The following FTO variants were observed in gnomAD, a reference collection of about 807,000 sequenced individuals.
The protein encoded by FTO is FTO alpha-ketoglutarate dependent dioxygenase, also known as alpha-ketoglutarate-dependent dioxygenase FTO.
A neutral mutation model predicts 63.9 loss-of-function variants in FTO; 47 were observed. That is an observed-to-expected ratio of 0.74 (90% CI 0.58 to 0.94). FTO has a LOEUF of 0.94. Ranked by LOEUF, FTO falls within the 40% of genes least tolerant of loss-of-function variation. The pLI is 0.00. For missense variants in FTO, 562 were observed against 618.1 expected, an observed-to-expected ratio of 0.91 and a Z score of 0.96; for synonymous variants, 207 against 224.4, an observed-to-expected ratio of 0.92 and a Z score of 0.69.
In FTO at chr16:53,950,155, TAAA is replaced by T. The variant is rs57925273; in HGVS notation, c.1364+16068_1364+16070del. Among the ~76,000 whole-genome samples the T allele has an allele frequency of 1.8e-3, 92 of 50,620 alleles. 2 individuals are homozygous for T. Among genetic ancestry groups the T allele is most frequent in the Admixed American group, 7.8e-3 (27 of 3,452 alleles). The allele number at this position is 50,620 out of a possible 152,430, so 33.2% of individuals were successfully genotyped here. A position where few individuals can be genotyped will look rare whatever the true frequency, so the allele number is the denominator to read the frequency against. ...GGAAAAAAAAAGATATTCACATTTG[TAAA>T]AAAAAAAAAAAAAAAAAAAAACTTA... On this transcript the variant is annotated intron_variant, in intron 8 of 8. Transcript: ENST00000471389.
At position 53,739,293 on chromosome 16, in the gene FTO, C is replaced by T. The variant is rs1045324318; in HGVS notation, c.45+35064C>T. On this transcript the variant is annotated intron_variant, in intron 1 of 8. Coordinates refer to ENST00000471389, the MANE Select transcript of FTO (RefSeq NM_001080432.3). Reference sequence around the variant, plus strand: ...CGATGTCGGCTCACTGCAAGCTCTGCCTCCTGGGTTCACACCATTCTCCTG... The same window carrying T: ...CGATGTCGGCTCACTGCAAGCTCTGTCTCCTGGGTTCACACCATTCTCCTG... 6.6e-5 allele frequency among the ~76,000 whole-genome samples: 10 copies of T among 152,070 alleles called. No homozygotes were observed. The East Asian group carries it at 7.7e-4, about 12-fold the overall frequency.
intron 1 of FTO, among the ~76,000 whole-genome samples, chr16:53,766,115 TA>T (rs922780055): frequency 1.3e-5 from 2 of 152,210 alleles, no homozygotes; most frequent in Non-Finnish European, 2.9e-5. Flanking sequence ...ATACATTTTG[TA>T]GGCAAAGCTG....
chr16:53,719,655 A>C (rs1260992318), intron 1 of FTO, among the ~76,000 whole-genome samples: 4 of 146,826 alleles, frequency 2.7e-5, no homozygotes, highest in African/African-American at 1.0e-4. Context: ...TTTTTTAAAC[A>C]AGCTCTTGAA....
chr16:53,961,644 C>T (rs1010945719), intron 8 of FTO, among the ~76,000 whole-genome samples: 1 of 152,204 alleles, frequency 6.6e-6, no homozygotes, highest in African/African-American at 2.4e-5. Flanking sequence ...TTATCAGAGA[C>T]ATTTCAATTT....
chr16:53,879,553 G>A (rs1017156046), intron 5 of FTO, among the ~76,000 whole-genome samples: 4 of 152,058 alleles, frequency 2.6e-5, no homozygotes, highest in African/African-American at 9.7e-5. Context: ...GGGCAGAGTA[G>A]TGCCTGCCTG....
At chr16:53,811,699 C>A (rs2078529168) in intron 2 of FTO, among the ~76,000 whole-genome samples, 1 of 152,226 alleles carries the variant, frequency 6.6e-6, no homozygotes, top group African/African-American at 2.4e-5. Flanking sequence ...CCTGCTCTTA[C>A]ACCTTTTATC....
intron 8 of FTO, among the ~76,000 whole-genome samples, chr16:53,949,394 A>G (rs2082719632): frequency 6.6e-6 from 1 of 152,360 alleles, no homozygotes; most frequent in African/African-American, 2.4e-5. Context: ...AGGAAAATGT[A>G]AAAATATTTT....
At chr16:53,871,598 C>T (rs1379160778) in intron 4 of FTO, among the ~76,000 whole-genome samples, 3 of 152,084 alleles carry the variant, frequency 2.0e-5, no homozygotes, top group African/African-American at 7.2e-5. Context: ...TTTCATTTCT[C>T]TGTTACTTTT....
At chr16:54,019,428 G>A (rs777869592) in intron 8 of FTO, among the ~76,000 whole-genome samples, 3 of 152,184 alleles carry the variant, frequency 2.0e-5, no homozygotes, top group Non-Finnish European at 4.4e-5. Flanking sequence ...CATACTCATA[G>A]AACCATATAC....
In FTO at chr16:53,806,809, A is replaced by C. The variant is rs189100565; in HGVS notation, c.46-3331A>C. Among the ~76,000 whole-genome samples, 3 of 152,304 alleles carry C rather than the reference A, an allele frequency of 2.0e-5. No individual in the cohort carries two copies. In the East Asian group the frequency reaches 5.8e-4, roughly 29 times the overall value. Reference sequence around the variant, plus strand: ...TCTGAACATGGTACAAGTGTATTAGAAGGATAAATCAGAAGTAGGATCACT... The same window carrying C: ...TCTGAACATGGTACAAGTGTATTAGCAGGATAAATCAGAAGTAGGATCACT... On this transcript the variant is annotated intron_variant, in intron 1 of 8. Transcript: ENST00000471389.
At position 54,117,168 on chromosome 16, in the gene FTO, A is replaced by C. The variant is rs1427342062; in HGVS notation, c.*5253A>C. On this transcript the variant is annotated 3_prime_UTR_variant, in exon 9 of 9. Coordinates refer to ENST00000471389, the MANE Select transcript of FTO (RefSeq NM_001080432.3). The stretch of plus-strand genomic sequence containing the variant: ...TGATTCTCACTCTACCACCTCTTCA[A>C]ACCTTTGTTGTCTTATCTACAAAAT... 1 of 152,188 alleles carries C rather than the reference A, an allele frequency of 6.6e-6. No homozygotes were observed. Among genetic ancestry groups the C allele is most frequent in the African/African-American group, 2.4e-5 (1 of 41,438 alleles). 9.4% of individuals were successfully genotyped at this position (152,188 alleles called of 1,614,324 possible).
chr16:53,978,961 TG>T (rs1186946830), intron 8 of FTO, among the ~76,000 whole-genome samples: 12 of 152,078 alleles, frequency 7.9e-5, no homozygotes, highest in African/African-American at 2.9e-4. Context: ...ATCATGCCGC[TG>T]CACTCCGGCC....
At chr16:53,848,394 G>A (rs2079694720) in intron 4 of FTO, among the ~76,000 whole-genome samples, 1 of 152,146 alleles carries the variant, frequency 6.6e-6, no homozygotes, top group African/African-American at 2.4e-5. Flanking sequence ...AACGTGTCGG[G>A]TGCCTGTAAT....
chr16:54,097,116 C>G lies in FTO; in HGVS notation c.1365-14646C>G, dbSNP rs1040570290. On this transcript the variant is annotated intron_variant, in intron 8 of 8. Transcript: ENST00000471389. Reference sequence around the variant, plus strand: ...TAAGCCATACTGTTTATATATATAACTACAGTTTTTTTAGAGATGGGAAGA... The same window carrying G: ...TAAGCCATACTGTTTATATATATAAGTACAGTTTTTTTAGAGATGGGAAGA... Among the ~76,000 whole-genome samples, 3 of 152,196 alleles carry G rather than the reference C, an allele frequency of 2.0e-5. No individual in the cohort carries two copies. The South Asian group carries it at 6.2e-4, about 32-fold the overall frequency.
At chr16:54,099,196 G>A (rs1451300593) in intron 8 of FTO, among the ~76,000 whole-genome samples, 4 of 152,158 alleles carry the variant, frequency 2.6e-5, no homozygotes, top group Non-Finnish European at 5.9e-5. Flanking sequence ...CTGCCATGTC[G>A]TAGGTATAGC....
At chr16:53,713,181 T>G (rs748384001) in intron 1 of FTO, among the ~76,000 whole-genome samples, 2 of 152,194 alleles carry the variant, frequency 1.3e-5, no homozygotes, top group Non-Finnish European at 2.9e-5. Flanking sequence ...ACCATAGGTG[T>G]GGGCATTAAT....
intron 1 of FTO, among the ~76,000 whole-genome samples, chr16:53,725,935 C>T (rs1045494754): frequency 1.3e-5 from 2 of 152,148 alleles, no homozygotes; most frequent in African/African-American, 4.8e-5. Flanking sequence ...ATTCTTGATC[C>T]TAGCTAGTCA....
At chr16:53,902,275 A>G (rs2081422045) in intron 7 of FTO, among the ~76,000 whole-genome samples, 1 of 152,166 alleles carries the variant, frequency 6.6e-6, no homozygotes, top group East Asian at 1.9e-4. Context: ...GCATTCAGGA[A>G]TGTCAATGTT....
At chr16:53,977,447 C>G (rs1376851756) in intron 8 of FTO, among the ~76,000 whole-genome samples, 3 of 152,128 alleles carry the variant, frequency 2.0e-5, no homozygotes, top group Non-Finnish European at 4.4e-5. Context: ...CTCTCTGACC[C>G]TGGTTAACAG....
Sources: gnomAD v4.1 joint callset for allele counts (sites outside exome capture counted in the v4.1 genomes callset) on GRCh38, gnomAD v4.1.1 for gene constraint, MANE v1.5 for transcripts, NCBI Gene and HGNC (gene_info 2026-07-23, HGNC 2026-07-21) for gene names.